Variants in SCAPER observed in about 807,000 individuals in gnomAD.
SCAPER encodes the protein S-phase cyclin A associated protein in the ER.
A neutral mutation model predicts 182.2 loss-of-function variants in SCAPER; 98 were observed. The observed-to-expected ratio is 0.54, with a 90% CI of 0.46 to 0.64. The LOEUF (loss-of-function observed/expected upper bound fraction) is 0.64, where lower values mean the gene tolerates loss of function less well. Among genes scored for constraint, SCAPER ranks in the 30% least tolerant of loss-of-function variants. The probability of loss-of-function intolerance (pLI) is 0.00; values close to 1 mark genes in which losing one functional copy is unlikely to be tolerated. For missense variants in SCAPER, 1,432 were observed against 1,690.0 expected, an observed-to-expected ratio of 0.85 and a Z score of 2.68; for synonymous variants, 605 against 564.6, an observed-to-expected ratio of 1.07 and a Z score of -1.01.
At chr15:76,383,586 C>G (rs1388854020) in intron 27 of SCAPER, among the ~76,000 whole-genome samples, 2 of 152,238 alleles carry the variant, frequency 1.3e-5, no homozygotes, top group African/African-American at 4.8e-5. Context: ...TTCACCTTAT[C>G]TCATTCTTAC....
chr15:76,808,590 C>T (rs1044377285), intron 5 of SCAPER, among the ~76,000 whole-genome samples: 3 of 152,184 alleles, frequency 2.0e-5, no homozygotes, highest in Non-Finnish European at 4.4e-5. Context: ...CCAATTTCTC[C>T]CTCAAGGAAA....
chr15:76,887,868 C>G (rs1039787115), intron 1 of SCAPER, among the ~76,000 whole-genome samples: 1 of 152,184 alleles, frequency 6.6e-6, no homozygotes, highest in Non-Finnish European at 1.5e-5. Context: ...GGTCCCTGAC[C>G]CCCGTGTAGC....
chr15:76,748,242 G>A (rs757066857), intron 15 of SCAPER, among the ~76,000 whole-genome samples: 1 of 151,912 alleles, frequency 6.6e-6, no homozygotes, highest in Non-Finnish European at 1.5e-5. Context: ...TGCCCACCTC[G>A]GCCTCCCAAA....
intron 26 of SCAPER, among the ~76,000 whole-genome samples, chr15:76,425,754 C>T (rs948648055): frequency 3.3e-5 from 5 of 152,110 alleles, no homozygotes; most frequent in Non-Finnish European, 7.3e-5. Flanking sequence ...GTTTTATCCA[C>T]CTTTAGTCTT....
chr15:76,882,831 A>AT (rs1327379270), intron 2 of SCAPER, among the ~76,000 whole-genome samples: 1 of 152,034 alleles, frequency 6.6e-6, no homozygotes, highest in Non-Finnish European at 1.5e-5. Flanking sequence ...CGCCAGGCTA[A>AT]TTTTTTGTAT....
chr15:76,766,832 G>C (rs2063146693), intron 11 of SCAPER, 86 bp downstream of exon 11: 2 of 1,047,098 alleles, frequency 1.9e-6, no homozygotes, highest in African/African-American at 1.6e-5. Context: ...AATAGGACTA[G>C]ATGGACTCCA....
At chr15:76,585,193 T>C (rs963976405) in intron 22 of SCAPER, among the ~76,000 whole-genome samples, 1 of 152,156 alleles carries the variant, frequency 6.6e-6, no homozygotes, top group South Asian at 2.1e-4. Context: ...TTTTCAGAGC[T>C]TTGGGAGGTT....
At chr15:76,819,330 A>AC (rs1299517559) in intron 5 of SCAPER, among the ~76,000 whole-genome samples, 1 of 151,662 alleles carries the variant, frequency 6.6e-6, no homozygotes, top group Non-Finnish European at 1.5e-5. Flanking sequence ...ACTGGGAGCC[A>AC]CCCCCCAGTA....
intron 3 of SCAPER, 102 bp downstream of exon 3, chr15:76,862,314 C>T: frequency 1.5e-6 from 1 of 653,596 alleles, no homozygotes; most frequent in Non-Finnish European, 2.6e-6. Flanking sequence ...TACTAATCAG[C>T]CCTAGAAGTC....
chr15:76,567,369 T>C (rs2047112936), intron 23 of SCAPER: 1 of 454,690 alleles, frequency 2.2e-6, no homozygotes, highest in South Asian at 1.6e-5. Flanking sequence ...ATATCTTGCC[T>C]GGTGGATATA....
intron 27 of SCAPER, among the ~76,000 whole-genome samples, chr15:76,396,993 C>T (rs1036589057): frequency 2.0e-5 from 3 of 149,332 alleles, no homozygotes; most frequent in Admixed American, 6.6e-5. Context: ...TCTTCTCAAC[C>T]CAATTTTTTG....
At chr15:76,747,981 C>T (rs2061884148) in intron 15 of SCAPER, among the ~76,000 whole-genome samples, 1 of 140,342 alleles carries the variant, frequency 7.1e-6, no homozygotes, top group African/African-American at 2.6e-5. Flanking sequence ...TATGGATATT[C>T]TTTTTTTTTT....
intron 20 of SCAPER, among the ~76,000 whole-genome samples, chr15:76,701,326 T>A (rs1295943274): frequency 6.6e-6 from 1 of 152,212 alleles, no homozygotes; most frequent in African/African-American, 2.4e-5. Flanking sequence ...TACATATTTA[T>A]ACAAATCTAA....
At chr15:76,561,762 C>T (rs910970961) in intron 23 of SCAPER, among the ~76,000 whole-genome samples, 32 of 150,628 alleles carry the variant, frequency 2.1e-4, no homozygotes, top group African/African-American at 7.3e-4. Context: ...CAGGCTGGAG[C>T]GTAATGGCTC....
intron 17 of SCAPER, among the ~76,000 whole-genome samples, chr15:76,725,219 A>C (rs763404831): frequency 6.6e-6 from 1 of 152,194 alleles, no homozygotes; most frequent in Non-Finnish European, 1.5e-5. Context: ...ACTTAGGAAT[A>C]AACATAACAA....
chr15:76,697,002 G>A (rs1013377193), intron 20 of SCAPER, among the ~76,000 whole-genome samples: 2 of 152,136 alleles, frequency 1.3e-5, no homozygotes, highest in Non-Finnish European at 2.9e-5. Flanking sequence ...AAAACAAAAT[G>A]TGTCAAAGAT....
At chr15:76,549,050 A>C (rs550607232) in intron 23 of SCAPER, among the ~76,000 whole-genome samples, 35 of 152,202 alleles carry the variant, frequency 2.3e-4, no homozygotes, top group Admixed American at 7.2e-4. Context: ...TACTCATCTG[A>C]CAAAGGGCTA....
chr15:76,556,833 C>T lies in SCAPER; in HGVS notation c.2838+17325G>A, dbSNP rs548129324. On this transcript the variant is annotated intron_variant, in intron 23 of 31. Coordinates refer to ENST00000563290, the MANE Select transcript of SCAPER (RefSeq NM_020843.4). ...AAGTCAAATTATCTCTCTTTGCAGACAATATGCTTCTATATCTAAAAAATC... is the reference window on the plus strand; with the variant it reads ...AAGTCAAATTATCTCTCTTTGCAGATAATATGCTTCTATATCTAAAAAATC... Among the ~76,000 whole-genome samples the T allele has an allele frequency of 5.3e-5, 8 of 152,222 alleles. No individual in the cohort carries two copies. The South Asian group carries it at 1.7e-3, about 32-fold the overall frequency.
intron 23 of SCAPER, chr15:76,567,500 TTGTC>T (rs1301853837): frequency 2.2e-5 from 7 of 314,100 alleles, no homozygotes; most frequent in African/African-American, 8.8e-5. Flanking sequence ...ATCACAAACA[TTGTC>T]TGTATGTTCC....
Sources: gnomAD v4.1 joint callset for allele counts (sites outside exome capture counted in the v4.1 genomes callset) on GRCh38, gnomAD v4.1.1 for gene constraint, MANE v1.5 for transcripts, NCBI Gene and HGNC (gene_info 2026-07-23, HGNC 2026-07-21) for gene names.